ARHGAP17: variants seen among roughly 807,000 people sequenced by gnomAD.
ARHGAP17 encodes rho GTPase-activating protein 17.
A neutral mutation model predicts 99.5 loss-of-function variants in ARHGAP17; 57 were observed. The observed-to-expected ratio is 0.57, with a 90% CI of 0.46 to 0.71. ARHGAP17 has a LOEUF of 0.71. ARHGAP17 is among the 30% of genes least tolerant of loss of function. ARHGAP17 has a pLI of 0.00. For missense variants in ARHGAP17, 1,000 were observed against 1,122.4 expected, an observed-to-expected ratio of 0.89 and a Z score of 1.56; for synonymous variants, 417 against 429.6, an observed-to-expected ratio of 0.97 and a Z score of 0.36.
intron 1 of ARHGAP17, among the ~76,000 whole-genome samples, chr16:25,012,563 C>G (rs1378762522): frequency 6.6e-6 from 1 of 152,232 alleles, no homozygotes; most frequent in Non-Finnish European, 1.5e-5. Context: ...CACCCAGAAT[C>G]CTGATTCTGG....
At chr16:24,923,376 C>T (rs1401322058) in intron 19 of ARHGAP17, among the ~76,000 whole-genome samples, 2 of 152,168 alleles carry the variant, frequency 1.3e-5, no homozygotes, top group East Asian at 3.8e-4. Context: ...CTAAATCTTT[C>T]TGGCTATGAA....
intron 1 of ARHGAP17, among the ~76,000 whole-genome samples, chr16:25,003,844 G>A (rs1023796531): frequency 1.3e-5 from 2 of 151,260 alleles, no homozygotes; most frequent in Non-Finnish European, 2.9e-5. Context: ...AAGCTTTGAA[G>A]AACCAACTTA....
Position 24,970,590 on chromosome 16 carries a change from A to G in ARHGAP17, c.199-10T>C, listed in dbSNP as rs756433521. ...TCAGAGGCAGTTTTTTCTGGAAGAT[A>G]GAAGACAGTGTGTGTTTTTCTCATT... On this transcript the variant is annotated splice_polypyrimidine_tract_variant and intron_variant, in intron 3 of 19. Transcript: ENST00000289968. The G allele has an allele frequency of 1.2e-6, 2 of 1,610,368 alleles. No individual in the cohort carries two copies. Among genetic ancestry groups the G allele is most frequent in the Admixed American group, 1.7e-5 (1 of 60,024 alleles).
At chr16:24,949,211 G>T (rs1229981109) in intron 13 of ARHGAP17, 193 bp downstream of exon 13, 1 of 481,294 alleles carries the variant, frequency 2.1e-6, no homozygotes, top group Non-Finnish European at 3.7e-6. Flanking sequence ...GCATGATACT[G>T]ATGCTTCAAA....
At chr16:24,954,421 C>G (rs1197200037) in intron 10 of ARHGAP17, among the ~76,000 whole-genome samples, 182 bp downstream of exon 10, 1 of 152,140 alleles carries the variant, frequency 6.6e-6, no homozygotes, top group Non-Finnish European at 1.5e-5. Context: ...TCATAGGGAA[C>G]AGGGTTGCAA....
intron 1 of ARHGAP17, among the ~76,000 whole-genome samples, chr16:25,000,677 C>G (rs982840883): frequency 2.0e-5 from 3 of 152,196 alleles, no homozygotes; most frequent in Admixed American, 6.5e-5. Context: ...GCCTTGTGAC[C>G]TGCTAACCAC....
intron 12 of ARHGAP17, 75 bp from the exon 13 acceptor site, chr16:24,949,559 G>T: frequency 7.8e-7 from 1 of 1,285,980 alleles, no homozygotes. Context: ...TGTTAAAAAT[G>T]AGGCCTCCAT....
intron 3 of ARHGAP17, among the ~76,000 whole-genome samples, chr16:24,970,855 G>C (rs2052340675): frequency 1.3e-5 from 2 of 152,090 alleles, no homozygotes; most frequent in African/African-American, 4.8e-5. Flanking sequence ...TATTGCTGTT[G>C]TTGTTGTTCT....
chr16:24,996,184 A>T (rs145056475), intron 1 of ARHGAP17, among the ~76,000 whole-genome samples: 20 of 152,340 alleles, frequency 1.3e-4, no homozygotes, highest in African/African-American at 4.8e-4. Context: ...AACGTCTTAA[A>T]TCCCTCTCTG....
At chr16:24,979,064 A>T (rs545627839) in intron 1 of ARHGAP17, 59 bp from the exon 2 acceptor site, 2 of 1,225,778 alleles carry the variant, frequency 1.6e-6, no homozygotes, top group African/African-American at 1.5e-5. Flanking sequence ...CAACTCCTAA[A>T]ATTTAATAAT....
intron 1 of ARHGAP17, among the ~76,000 whole-genome samples, chr16:25,008,187 T>TA (rs2053555667): frequency 6.6e-6 from 1 of 152,336 alleles, no homozygotes; most frequent in Middle Eastern, 3.4e-3. Flanking sequence ...CAAAAAGTTC[T>TA]AAAAAACAAA....
At chr16:24,952,452 T>C in intron 11 of ARHGAP17, 82 bp from the exon 12 acceptor site, 1 of 1,086,014 alleles carries the variant, frequency 9.2e-7, no homozygotes. Context: ...CAAATTGAAA[T>C]GATCTCAATA....
rs551878639 is a variant in ARHGAP17 at position 24,971,366 on chromosome 16, A to G, written c.199-786T>C. 5.6e-5 allele frequency among the ~76,000 whole-genome samples: 8 copies of G among 142,280 alleles called. No homozygotes were observed. In the East Asian group the frequency reaches 1.6e-3, roughly 29 times the overall value. 93.3% of individuals were successfully genotyped at this position (142,280 alleles called of 152,430 possible). A position where few individuals can be genotyped will look rare whatever the true frequency, so the allele number is the denominator to read the frequency against. On this transcript the variant is annotated intron_variant, in intron 3 of 19. Transcript: ENST00000289968. Reference sequence around the variant, plus strand: ...TTTTTTTGAGGCAGAGTCTTGCTCTATCACCTAGGCTAGAGTGTAGTGGGG... The same window carrying G: ...TTTTTTTGAGGCAGAGTCTTGCTCTGTCACCTAGGCTAGAGTGTAGTGGGG...
chr16:24,937,116 G>GAA (rs10639914), intron 17 of ARHGAP17, among the ~76,000 whole-genome samples: 10,089 of 130,152 alleles, frequency 0.078, 1,325 homozygotes, highest in African/African-American at 0.28. Context: ...GACCCTGTCT[G>GAA]AAAAAAAAAA....
chr16:24,954,279 A>G (rs182903027), intron 10 of ARHGAP17, among the ~76,000 whole-genome samples: 6 of 152,342 alleles, frequency 3.9e-5, no homozygotes, highest in East Asian at 3.9e-4. Context: ...CACGAAATCT[A>G]TTGTCACAAA....
At chr16:24,963,148 GA>G (rs2052062533) in intron 7 of ARHGAP17, among the ~76,000 whole-genome samples, 1 of 152,198 alleles carries the variant, frequency 6.6e-6, no homozygotes, top group Admixed American at 6.5e-5. Flanking sequence ...CTGGGTAAAT[GA>G]CACTGACAAA....
intron 18 of ARHGAP17, among the ~76,000 whole-genome samples, chr16:24,934,097 C>T (rs2051069789): frequency 6.6e-6 from 1 of 152,194 alleles, no homozygotes; most frequent in Non-Finnish European, 1.5e-5. Flanking sequence ...AGAAATTCCA[C>T]TAACATTTGT....
At chr16:24,972,837 C>T (rs921324991) in intron 3 of ARHGAP17, among the ~76,000 whole-genome samples, 1 of 151,408 alleles carries the variant, frequency 6.6e-6, no homozygotes, top group African/African-American at 2.4e-5. Context: ...GGAAACTCTG[C>T]TTAACATATG....
At chr16:24,936,977 G>C (rs763355265) in intron 17 of ARHGAP17, 1 of 151,322 alleles carries the variant, frequency 6.6e-6, no homozygotes, top group South Asian at 2.1e-4. Context: ...AAATTAGCTG[G>C]GCATGGGGAT....
Sources: allele counts gnomAD v4.1 joint callset (sites outside exome capture counted in the v4.1 genomes callset), GRCh38; gene constraint gnomAD v4.1.1; transcripts MANE v1.5; gene names NCBI Gene and HGNC (gene_info 2026-07-23, HGNC 2026-07-21).